The following ITPRID2 variants were observed in gnomAD, a reference collection of about 807,000 sequenced individuals.
ITPRID2 encodes the protein ITPR interacting domain containing 2.
ITPRID2 carries 60 observed loss-of-function variants against 124.3 expected under a neutral mutation model. That is an observed-to-expected ratio of 0.48 (90% CI 0.39 to 0.60). The LOEUF is 0.60. Among genes scored for constraint, ITPRID2 ranks in the 20% least tolerant of loss-of-function variants. The probability of loss-of-function intolerance (pLI) is 0.00; values close to 1 mark genes in which losing one functional copy is unlikely to be tolerated. For missense variants in ITPRID2, 1,553 were observed against 1,512.2 expected, an observed-to-expected ratio of 1.03 and a Z score of -0.45; for synonymous variants, 521 against 542.9, an observed-to-expected ratio of 0.96 and a Z score of 0.56.
chr2:181,920,715 GAC>G, intron 15 of ITPRID2, 53 bp downstream of exon 15: 1 of 1,307,300 alleles, frequency 7.6e-7, no homozygotes, highest in Non-Finnish European at 1.1e-6. Context: ...CAACATTTCA[GAC>G]ACATAGTTTC....
At chr2:181,913,521 A>C (rs1439576798) in intron 9 of ITPRID2, among the ~76,000 whole-genome samples, 2 of 152,190 alleles carry the variant, frequency 1.3e-5, no homozygotes, top group Non-Finnish European at 2.9e-5. Flanking sequence ...GCCATCTTTT[A>C]CTTCAGTTTT....
Position 181,902,006 on chromosome 2 carries a change from C to T in ITPRID2, c.953C>T (p.Ser318Phe). 1 of 1,613,780 alleles carries T rather than the reference C, an allele frequency of 6.2e-7. No individual in the cohort carries two copies. The highest frequency in any genetic ancestry group is 8.5e-7 in the Non-Finnish European group (1 of 1,179,876). Residue 318 changes from serine to phenylalanine, a missense_variant, in exon 8 of 18, where the codon TCT (serine) becomes TTT (phenylalanine). Ser to Phe is a radical substitution (Grantham distance 155, BLOSUM62 -2). Transcript: ENST00000431877. The surrounding 1 kb of genome is among the most constrained non-coding windows in gnomAD (Gnocchi z 4.4). ...KTEKGESSSP[S>F]PSAEKGKILN... ...GAGAAAGGAGAAAGTAGTAGTCCTT[C>T]TCCATCAGCTGAAAAAGGAAAGATT...
chr2:181,918,236 T>A (rs1694224722), intron 11 of ITPRID2: 1 of 933,636 alleles, frequency 1.1e-6, no homozygotes, highest in African/African-American at 1.8e-5. Flanking sequence ...TTGCTTGCTC[T>A]CCAGCAAAGT....
Position 181,892,248 on chromosome 2 carries a change from G to A in ITPRID2, c.182G>A (p.Gly61Asp). The A allele has an allele frequency of 6.5e-7, 1 of 1,548,918 alleles. No individual in the cohort carries two copies. The highest frequency in any genetic ancestry group is 8.7e-7 in the Non-Finnish European group (1 of 1,146,134). ...GAGGACGAGGAGGAGGACCTCCCCG[G>A]CGCGCAGCTGCCGGCAGCGGGGGGA... is the stretch of plus-strand genomic sequence containing the variant. The part of the protein sequence containing the change: ...EEEDEEEDLP[G>D]AQLPAAGGRG... The change falls in exon 1 of 18, where the codon GGC becomes GAC. Residue 61 changes from glycine to aspartate, a missense_variant. Physicochemically the swap from Gly to Asp is moderately conservative, Grantham distance 94. Transcript: ENST00000431877. This position sits in a 1 kb window ranked among gnomAD's most constrained non-coding sequence, Gnocchi z 5.2.
In ITPRID2 at chr2:181,891,845, G is replaced by T; in HGVS notation, c.-222G>T. The T allele has an allele frequency of 3.2e-6, 1 of 315,670 alleles. No homozygotes were observed. Among genetic ancestry groups the T allele is most frequent in the Non-Finnish European group, 6.0e-6 (1 of 167,796 alleles). The allele number at this position is 315,670 out of a possible 1,614,324, so 19.6% of individuals were successfully genotyped here. ...TCGGGCCACTAGCGCTCCCGCGCGC[G>T]CCCGGCCGCCTTCATGTGAAGCGCC... On this transcript the variant is annotated 5_prime_UTR_variant, in exon 1 of 18. Coordinates refer to ENST00000431877, the MANE Select transcript of ITPRID2 (RefSeq NM_001130445.3).
intron 17 of ITPRID2, among the ~76,000 whole-genome samples, chr2:181,928,916 G>A (rs991203621): frequency 7.9e-5 from 12 of 152,068 alleles, no homozygotes; most frequent in Admixed American, 5.2e-4. Context: ...GTGAGCCACC[G>A]CGCCCGGCCG....
intron 8 of ITPRID2, among the ~76,000 whole-genome samples, chr2:181,908,345 G>A (rs965085944): frequency 5.9e-5 from 9 of 152,192 alleles, no homozygotes; most frequent in African/African-American, 2.2e-4. Context: ...CATAAATGCA[G>A]AGGCATTGGA....
rs958504111 is a variant in ITPRID2, at chr2:181,902,521, C to A, written c.1413+55C>A. On this transcript the variant is annotated intron_variant, in intron 8 of 17. Coordinates refer to ENST00000431877, the MANE Select transcript of ITPRID2 (RefSeq NM_001130445.3). This position sits in a 1 kb window ranked among gnomAD's most constrained non-coding sequence, Gnocchi z 4.4. ...AAGTTGCAGACTAGGAAAAAAAGTA[C>A]CAAAAATGCTTATAAAATGAGAGGT... The A allele has an allele frequency of 5.4e-6, 7 of 1,286,022 alleles. No individual in the cohort carries two copies. The East Asian group carries it at 1.2e-4, about 22-fold the overall frequency. 79.7% of individuals were successfully genotyped at this position (1,286,022 alleles called of 1,614,324 possible). A position where few individuals can be genotyped will look rare whatever the true frequency, so the allele number is the denominator to read the frequency against.
At chr2:181,929,001 C>A (rs983049744) in intron 17 of ITPRID2, among the ~76,000 whole-genome samples, 1 of 151,876 alleles carries the variant, frequency 6.6e-6, no homozygotes, top group Non-Finnish European at 1.5e-5. Context: ...AGATTCATTT[C>A]TAATAATAAT....
At chr2:181,916,478 C>G (rs754728012) in intron 11 of ITPRID2, 51 bp downstream of exon 11, 1 of 1,553,954 alleles carries the variant, frequency 6.4e-7, no homozygotes, top group Admixed American at 1.9e-5. Context: ...CTGCTCTGAG[C>G]ACTTTTTAAT....
chr2:181,901,965 A>G lies in ITPRID2; in HGVS notation c.912A>G (p.Leu304=), dbSNP rs771469988. 9.9e-6 allele frequency: 16 copies of G among 1,613,946 alleles called. No individual in the cohort carries two copies. In the South Asian group the frequency reaches 1.6e-4, roughly 17 times the overall value. The change falls in exon 8 of 18, where the codon TTA becomes TTG. Residue 304 remains leucine (L), a synonymous_variant. Coordinates refer to ENST00000431877, the MANE Select transcript of ITPRID2 (RefSeq NM_001130445.3). ...RLMKTLSKLN[L]CVDKTEKGES... The stretch of plus-strand genomic sequence containing the variant: ...TGAAAACACTCTCAAAACTGAATTT[A>G]TGTGTTGATAAAACAGAGAAAGGAG...
chr2:181,910,042 T>C lies in ITPRID2; in HGVS notation c.1486+71T>C, dbSNP rs977175928. On this transcript the variant is annotated intron_variant, in intron 9 of 17. Coordinates refer to ENST00000431877, the MANE Select transcript of ITPRID2 (RefSeq NM_001130445.3). The surrounding 1 kb of genome is among the most constrained non-coding windows in gnomAD (Gnocchi z 4.1). ...TAGTTGATTTGGAAAAGGGGTTTTA[T>C]GTATCAGTATTTGTAGTATTTATGA... The C allele has an allele frequency of 2.5e-5, 29 of 1,175,872 alleles. No homozygotes were observed. The highest frequency in any genetic ancestry group is 5.6e-5 in the Admixed American group (3 of 54,054). The allele number at this position is 1,175,872 out of a possible 1,614,324, so 72.8% of individuals were successfully genotyped here. A position where few individuals can be genotyped will look rare whatever the true frequency, so the allele number is the denominator to read the frequency against.
rs954757238 is a variant in ITPRID2 at position 181,920,078 on chromosome 2, A to G, written c.3145-519A>G. ...CAACAGTTGTATTATTTTTGCAAAT[A>G]TCTTTGAAGTTGTAGAATATGTTGC... is the stretch of plus-strand genomic sequence containing the variant. On this transcript the variant is annotated intron_variant, in intron 14 of 17. Coordinates refer to ENST00000431877, the MANE Select transcript of ITPRID2 (RefSeq NM_001130445.3). Among the ~76,000 whole-genome samples the G allele has an allele frequency of 3.9e-5, 6 of 152,268 alleles. No individual in the cohort carries two copies. In the South Asian group the frequency reaches 1.0e-3, roughly 26 times the overall value.
chr2:181,915,185 C>A, intron 10 of ITPRID2, 31 bp from the exon 11 acceptor site: 2 of 1,592,038 alleles, frequency 1.3e-6, no homozygotes, highest in South Asian at 1.1e-5. Context: ...TACATATATT[C>A]TTCATCTTTC....
chr2:181,894,587 G>T (rs1315369523), intron 2 of ITPRID2: 1 of 152,054 alleles, frequency 6.6e-6, no homozygotes, highest in East Asian at 1.9e-4. Context: ...TGTTTATTAT[G>T]TACAAATGAC....
At chr2:181,911,048 G>T (rs1693565450) in intron 9 of ITPRID2, among the ~76,000 whole-genome samples, 1 of 152,168 alleles carries the variant, frequency 6.6e-6, no homozygotes, top group African/African-American at 2.4e-5. Flanking sequence ...ACTTTAAGGT[G>T]TTTTAAGAGC....
At position 181,919,410 on chromosome 2, in the gene ITPRID2, G is replaced by A; in HGVS notation, c.3108G>A (p.Val1036=). 5 of 1,612,166 alleles carry A rather than the reference G, an allele frequency of 3.1e-6. No homozygotes were observed. Among genetic ancestry groups the A allele is most frequent in the African/African-American group, 1.3e-5 (1 of 74,994 alleles). The change falls in exon 14 of 18, where the codon GTG becomes GTA. Residue 1036 remains valine, a synonymous_variant. Transcript: ENST00000431877. The surrounding 1 kb of genome is among the most constrained non-coding windows in gnomAD (Gnocchi z 4.2). ...GCCTGGAGGAGCAGCTTCGTGCTGTGCGCATGCCTTCACCCTTCCGCTCCT... is the reference window on the plus strand; with the variant it reads ...GCCTGGAGGAGCAGCTTCGTGCTGTACGCATGCCTTCACCCTTCCGCTCCT... The part of the protein sequence containing the change: ...LLGLEEQLRA[V]RMPSPFRSSA...
At position 181,896,971 on chromosome 2, in the gene ITPRID2, T is replaced by G; in HGVS notation, c.364+7T>G. 3.7e-6 allele frequency: 6 copies of G among 1,611,032 alleles called. No homozygotes were observed. Among genetic ancestry groups the G allele is most frequent in the Non-Finnish European group, 5.1e-6 (6 of 1,177,442 alleles). ...TTGTCATTGGGAGCTGAAGGTATGT[T>G]TGTTTGGAAGAACTGTATTTTTGTG... On this transcript the variant is annotated splice_region_variant and intron_variant, in intron 4 of 17. Transcript: ENST00000431877. This position sits in a 1 kb window ranked among gnomAD's most constrained non-coding sequence, Gnocchi z 4.3.
At chr2:181,924,875 A>G (rs1694734166) in intron 16 of ITPRID2, among the ~76,000 whole-genome samples, 1 of 152,244 alleles carries the variant, frequency 6.6e-6, no homozygotes, top group Non-Finnish European at 1.5e-5. Flanking sequence ...AATTTGCCCA[A>G]GTCATCTGTG....
Sources: allele counts gnomAD v4.1 joint callset (sites outside exome capture counted in the v4.1 genomes callset), GRCh38; gene constraint gnomAD v4.1.1; non-coding constraint Gnocchi (gnomAD v3.1); transcripts MANE v1.5; gene names NCBI Gene and HGNC (gene_info 2026-07-23, HGNC 2026-07-21).